The following DRC11 variants were observed in gnomAD, a reference collection of about 807,000 sequenced individuals.
DRC11 encodes dynein regulatory complex subunit 11.
At chr2:236,407,899 T>C in the DRC11 span, 4 of 434,940 alleles carry the variant, frequency 9.2e-6, no homozygotes, top group South Asian at 3.6e-5. Context: ...TTCATGAATA[T>C]TTTCCATGAA....
chr2:236,388,943 T>C, the DRC11 span, among the ~76,000 whole-genome samples: 1 of 152,180 alleles, frequency 6.6e-6, no homozygotes, highest in Non-Finnish European at 1.5e-5. Context: ...AGTATGCCCC[T>C]GCTGGGGGGT....
chr2:236,343,623 A>C, the DRC11 span: 1 of 890,730 alleles, frequency 1.1e-6, no homozygotes, highest in Non-Finnish European at 1.6e-6. This position sits in a 1 kb window ranked among gnomAD's most constrained non-coding sequence, Gnocchi z 6.6. Context: ...GACACGTGAG[A>C]CGAAACACTG....
chr2:236,384,383 T>C, the DRC11 span, among the ~76,000 whole-genome samples: 2 of 152,122 alleles, frequency 1.3e-5, no homozygotes, highest in African/African-American at 2.4e-5. Flanking sequence ...GGTATCTCAT[T>C]GTGGTTTTGA....
chr2:236,444,040 T>G, the DRC11 span, among the ~76,000 whole-genome samples: 2 of 151,856 alleles, frequency 1.3e-5, no homozygotes, highest in Non-Finnish European at 2.9e-5. Context: ...AATGGGGTTG[T>G]TTTTTTTCAT....
At chr2:236,462,980 A>G in the DRC11 span, among the ~76,000 whole-genome samples, 1 of 152,128 alleles carries the variant, frequency 6.6e-6, no homozygotes, top group African/African-American at 2.4e-5. This position sits in a 1 kb window ranked among gnomAD's most constrained non-coding sequence, Gnocchi z 6.4. Context: ...TTTTACTGTG[A>G]GCCATTTTTG....
At chr2:236,353,429 A>T in the DRC11 span, among the ~76,000 whole-genome samples, 4 of 152,172 alleles carry the variant, frequency 2.6e-5, no homozygotes, top group Non-Finnish European at 5.9e-5. The surrounding 1 kb of genome is among the most constrained non-coding windows in gnomAD (Gnocchi z 5.0). Context: ...ACTGTCAAAC[A>T]TTCACCATCA....
the DRC11 span, among the ~76,000 whole-genome samples, chr2:236,467,253 C>T: frequency 6.6e-6 from 1 of 152,052 alleles, no homozygotes; most frequent in African/African-American, 2.4e-5. Context: ...TCTTTTTCTC[C>T]ATTTCCTTGT....
chr2:236,361,661 T>G, the DRC11 span, among the ~76,000 whole-genome samples: 18 of 150,550 alleles, frequency 1.2e-4, no homozygotes, highest in Non-Finnish European at 1.5e-5. This position sits in a 1 kb window ranked among gnomAD's most constrained non-coding sequence, Gnocchi z 5.7. Context: ...AAAAAGAAAA[T>G]AAAAAGAGAC....
chr2:236,400,620 G>A, the DRC11 span, among the ~76,000 whole-genome samples: 1 of 152,210 alleles, frequency 6.6e-6, no homozygotes, highest in Non-Finnish European at 1.5e-5. This position sits in a 1 kb window ranked among gnomAD's most constrained non-coding sequence, Gnocchi z 7.9. Context: ...TCGGGTTCCC[G>A]AAGCAGGCTC....
At chr2:236,312,794 C>G in the DRC11 span, among the ~76,000 whole-genome samples, 1 of 151,550 alleles carries the variant, frequency 6.6e-6, no homozygotes. Flanking sequence ...AAAGATAAAG[C>G]CCTGATGAAA....
chr2:236,499,128 C>T, the DRC11 span, among the ~76,000 whole-genome samples: 1 of 152,218 alleles, frequency 6.6e-6, no homozygotes, highest in African/African-American at 2.4e-5. This position sits in a 1 kb window ranked among gnomAD's most constrained non-coding sequence, Gnocchi z 4.7. Flanking sequence ...CATTCCCGTG[C>T]TTACCTGTGC....
At chr2:236,306,772 C>T in the DRC11 span, among the ~76,000 whole-genome samples, 2 of 152,158 alleles carry the variant, frequency 1.3e-5, no homozygotes, top group Non-Finnish European at 2.9e-5. The surrounding 1 kb of genome is among the most constrained non-coding windows in gnomAD (Gnocchi z 5.9). Context: ...GGGCCCATGT[C>T]AAATTTTCTA....
the DRC11 span, among the ~76,000 whole-genome samples, chr2:236,495,024 C>T: frequency 6.6e-6 from 1 of 152,180 alleles, no homozygotes; most frequent in Non-Finnish European, 1.5e-5. The surrounding 1 kb of genome is among the most constrained non-coding windows in gnomAD (Gnocchi z 5.6). Context: ...CTTATAGCTC[C>T]ATCTGGTCCA....
the DRC11 span, among the ~76,000 whole-genome samples, chr2:236,494,985 T>C: frequency 6.6e-6 from 1 of 152,250 alleles, no homozygotes; most frequent in Admixed American, 6.5e-5. This position sits in a 1 kb window ranked among gnomAD's most constrained non-coding sequence, Gnocchi z 4.2. Context: ...TGTGGTACTT[T>C]TATAACTTTG....
At chr2:236,316,176 T>TCTCTCTCTCTC in the DRC11 span, among the ~76,000 whole-genome samples, 1 of 150,998 alleles carries the variant, frequency 6.6e-6, no homozygotes, top group African/African-American at 2.5e-5. This position sits in a 1 kb window ranked among gnomAD's most constrained non-coding sequence, Gnocchi z 6.8. Flanking sequence ...TCTCTCTCTC[T>TCTCTCTCTCTC]TTTTGAGATG....
chr2:236,487,615 G>A, the DRC11 span, among the ~76,000 whole-genome samples: 1 of 152,124 alleles, frequency 6.6e-6, no homozygotes, highest in African/African-American at 2.4e-5. Context: ...AGTGATGGCT[G>A]CTGCATGTTT....
the DRC11 span, among the ~76,000 whole-genome samples, chr2:236,378,712 C>T: frequency 6.6e-6 from 1 of 151,580 alleles, no homozygotes; most frequent in Non-Finnish European, 1.5e-5. Flanking sequence ...CACCGTGGCA[C>T]AGTGTGTGAG....
the DRC11 span, among the ~76,000 whole-genome samples, chr2:236,433,075 G>C: frequency 6.6e-6 from 1 of 151,756 alleles, no homozygotes; most frequent in East Asian, 1.9e-4. Context: ...TATGTATTTG[G>C]GTCTATTTCT....
At chr2:236,358,160 A>G in the DRC11 span, among the ~76,000 whole-genome samples, 2 of 123,390 alleles carry the variant, frequency 1.6e-5, no homozygotes, top group Non-Finnish European at 3.1e-5. Context: ...TATATACTAT[A>G]TGAATATATA....
Sources: gnomAD v4.1 joint callset for allele counts (sites outside exome capture counted in the v4.1 genomes callset) on GRCh38, gnomAD v4.1.1 for gene constraint, Gnocchi (gnomAD v3.1) non-coding constraint, MANE v1.5 for transcripts, NCBI Gene and HGNC (gene_info 2026-07-23, HGNC 2026-07-21) for gene names.